The following CCDC80 variants were observed in gnomAD, a reference collection of about 807,000 sequenced individuals.
CCDC80 encodes the protein coiled-coil domain-containing protein 80.
In CCDC80, 49 loss-of-function variants were observed where a neutral mutation model predicts 78.7. That is an observed-to-expected ratio of 0.62 (90% confidence interval 0.50 to 0.79). The LOEUF is 0.79. Among genes scored for constraint, CCDC80 ranks in the 30% least tolerant of loss-of-function variants. The probability of loss-of-function intolerance (pLI) is 0.00; values close to 1 mark genes in which losing one functional copy is unlikely to be tolerated. For missense variants in CCDC80, 1,205 were observed against 1,198.6 expected, an observed-to-expected ratio of 1.01 and a Z score of -0.08; for synonymous variants, 488 against 447.0, an observed-to-expected ratio of 1.09 and a Z score of -1.16.
At chr3:112,626,981 C>T (rs146849200) in intron 3 of CCDC80, among the ~76,000 whole-genome samples, 48 of 152,298 alleles carry the variant, frequency 3.2e-4, no homozygotes, top group African/African-American at 1.1e-3. Context: ...ACTCTCCTTT[C>T]TTTGAAAGAA....
In CCDC80 at chr3:112,641,139, A is replaced by G. The variant is rs6438086; in HGVS notation, c.-824T>C. The G allele has an allele frequency of 0.67, 102,376 of 152,070 alleles. 34,648 individuals are homozygous for G. The highest frequency in any genetic ancestry group is 0.86 in the East Asian group (4,441 of 5,180). 9.4% of individuals were successfully genotyped at this position (152,070 alleles called of 1,614,324 possible). ...AGAGTGGACTCAGTGAGGAGTGAGA[A>G]GGCTGTTCTTTGGGGTGGGGTAAAG... is the stretch of plus-strand genomic sequence containing the variant. On this transcript the variant is annotated 5_prime_UTR_variant, in exon 1 of 8. Transcript: ENST00000206423.
intron 2 of CCDC80, among the ~76,000 whole-genome samples, chr3:112,636,637 G>C (rs887046731): frequency 6.6e-6 from 1 of 152,190 alleles, no homozygotes; most frequent in African/African-American, 2.4e-5. Flanking sequence ...CCTCTGCCCA[G>C]ATTATTAACC....
chr3:112,624,341 T>C (rs1935924730), intron 3 of CCDC80, among the ~76,000 whole-genome samples: 1 of 152,226 alleles, frequency 6.6e-6, no homozygotes, highest in Admixed American at 6.5e-5. Context: ...GCCAAAACTC[T>C]CTTGGTTGTG....
intron 5 of CCDC80, 116 bp from the exon 6 acceptor site, chr3:112,610,197 A>G (rs2107472509): frequency 5.0e-6 from 4 of 797,140 alleles, no homozygotes; most frequent in Non-Finnish European, 6.3e-6. Context: ...AAAAAAAAAA[A>G]GAAAAAAACA....
Position 112,616,698 on chromosome 3 carries a change from A to G in CCDC80, c.2321+12T>C. 3 of 1,613,846 alleles carry G rather than the reference A, an allele frequency of 1.9e-6. No homozygotes were observed. Among genetic ancestry groups the G allele is most frequent in the Non-Finnish European group, 2.5e-6 (3 of 1,179,882 alleles). On this transcript the variant is annotated intron_variant, in intron 5 of 7. Transcript: ENST00000206423. Reference sequence around the variant, plus strand: ...TGCACCTTCCTCTTTAGCGACTCCAAAGGTGATGTACCTGGATAGGAAGTT... The same window carrying G: ...TGCACCTTCCTCTTTAGCGACTCCAGAGGTGATGTACCTGGATAGGAAGTT...
At position 112,634,863 on chromosome 3, in the gene CCDC80, G is replaced by A. The variant is rs539577986; in HGVS notation, c.1878+3165C>T. On this transcript the variant is annotated intron_variant, in intron 2 of 7. Coordinates refer to ENST00000206423, the MANE Select transcript of CCDC80 (RefSeq NM_199511.3). ...TCAAACAGATCTGAATTCTAATTCC[G>A]ACTTCACCACATATTAGCTATATAT... 3.9e-5 allele frequency among the ~76,000 whole-genome samples: 6 copies of A among 152,238 alleles called. No homozygotes were observed. In the South Asian group the frequency reaches 6.2e-4, roughly 16 times the overall value.
intron 2 of CCDC80, among the ~76,000 whole-genome samples, chr3:112,636,813 A>G (rs774704509): frequency 1.3e-5 from 2 of 152,214 alleles, no homozygotes; most frequent in Non-Finnish European, 2.9e-5. Flanking sequence ...TCACCCAGGC[A>G]TCTGAGAAAA....
chr3:112,629,613 T>C (rs2107489922), intron 3 of CCDC80, among the ~76,000 whole-genome samples: 1 of 152,302 alleles, frequency 6.6e-6, no homozygotes, highest in South Asian at 2.1e-4. Context: ...TGCAGTTCAG[T>C]CCATATTTTC....
At chr3:112,615,826 G>A (rs1015292649) in intron 5 of CCDC80, among the ~76,000 whole-genome samples, 10 of 152,080 alleles carry the variant, frequency 6.6e-5, no homozygotes, top group African/African-American at 1.7e-4. Flanking sequence ...CCATGGCAAC[G>A]TCAGGAAGTT....
chr3:112,606,734 C>T (rs1013738883), intron 7 of CCDC80, among the ~76,000 whole-genome samples: 6 of 152,086 alleles, frequency 3.9e-5, no homozygotes, highest in African/African-American at 1.4e-4. Context: ...TTCTCTGAGC[C>T]TTTTAGTGTA....
In CCDC80 at chr3:112,630,163, A is replaced by G; in HGVS notation, c.1985T>C (p.Ile662Thr). Residue 662 changes from isoleucine (I) to threonine (T), a missense_variant, in exon 3 of 8, where the codon ATC (isoleucine) becomes ACC (threonine). Ile to Thr is a moderately conservative substitution (Grantham distance 89, BLOSUM62 -1). Coordinates refer to ENST00000206423, the MANE Select transcript of CCDC80 (RefSeq NM_199511.3). ...MATRKISVITIFGPVNNSTMK... is the reference protein window; with the variant it reads ...MATRKISVITTFGPVNNSTMK... ...GGTGCTGTTGTTGACAGGGCCGAAG[A>G]TGGTGATCACAGAGATTTTCCTGGT... is the stretch of plus-strand genomic sequence containing the variant. The G allele has an allele frequency of 6.2e-7, 1 of 1,613,978 alleles. No homozygotes were observed. The highest frequency in any genetic ancestry group is 1.1e-5 in the South Asian group (1 of 91,080).
intron 3 of CCDC80, among the ~76,000 whole-genome samples, chr3:112,627,408 A>T (rs145918705): frequency 1.6e-4 from 25 of 152,354 alleles, no homozygotes; most frequent in Non-Finnish European, 2.8e-4. Context: ...ATCTTAAGGT[A>T]AGTTTCTTGG....
At position 112,603,652 on chromosome 3, in the gene CCDC80, G is replaced by A. The variant is rs1935415031; in HGVS notation, c.*1765C>T. 1 of 150,016 alleles carries A rather than the reference G, an allele frequency of 6.7e-6. No individual in the cohort carries two copies. The highest frequency in any genetic ancestry group is 2.5e-5 in the African/African-American group (1 of 40,670). The allele number at this position is 150,016 out of a possible 1,614,324, so 9.3% of individuals were successfully genotyped here. A position where few individuals can be genotyped will look rare whatever the true frequency, so the allele number is the denominator to read the frequency against. On this transcript the variant is annotated 3_prime_UTR_variant, in exon 8 of 8. Transcript: ENST00000206423. ...ACTGACAATATACCCAGTCACCCAA[G>A]AACTTGGATAGAGATATACAAGGAG...
chr3:112,603,036 T>C lies in CCDC80; in HGVS notation c.*2381A>G, dbSNP rs1935402540. On this transcript the variant is annotated 3_prime_UTR_variant, in exon 8 of 8. Transcript: ENST00000206423. ...AGTTAACGCAGCTGGTGATTTTAAG[T>C]TGAAATCAATGCTCATTTACCATTT... 1 of 152,190 alleles carries C rather than the reference T, an allele frequency of 6.6e-6. No individual in the cohort carries two copies. The highest frequency in any genetic ancestry group is 1.5e-5 in the Non-Finnish European group (1 of 68,050). 9.4% of individuals were successfully genotyped at this position (152,190 alleles called of 1,614,324 possible).
At position 112,638,811 on chromosome 3, in the gene CCDC80, C is replaced by G; in HGVS notation, c.1095G>C (p.Thr365=). The G allele has an allele frequency of 6.2e-7, 1 of 1,613,650 alleles. No individual in the cohort carries two copies. The highest frequency in any genetic ancestry group is 8.5e-7 in the Non-Finnish European group (1 of 1,179,952). The change falls in exon 2 of 8, where the codon ACG becomes ACC. Residue 365 remains threonine, a synonymous_variant. Coordinates refer to ENST00000206423, the MANE Select transcript of CCDC80 (RefSeq NM_199511.3). ...PAPATTVTRS[T]SRAVTVAARP... ...TTGCAGCAACTGTTACCGCCCGGGA[C>G]GTGGACCGAGTCACTGTTGTGGCTG...
intron 3 of CCDC80, 43 bp downstream of exon 3, chr3:112,630,070 G>A: frequency 6.4e-7 from 1 of 1,574,346 alleles, no homozygotes; most frequent in Non-Finnish European, 8.7e-7. Context: ...TCCCACCTTA[G>A]ATATGAGAAA....
chr3:112,636,941 G>C (rs896566274), intron 2 of CCDC80, among the ~76,000 whole-genome samples: 11 of 152,168 alleles, frequency 7.2e-5, no homozygotes, highest in African/African-American at 2.4e-4. Flanking sequence ...TAAGATCCAG[G>C]GGTGGAAATT....
rs185834084 is a variant in CCDC80 at position 112,600,855 on chromosome 3, T to G, written c.*4562A>C. On this transcript the variant is annotated 3_prime_UTR_variant, in exon 8 of 8. Transcript: ENST00000206423. Reference sequence around the variant, plus strand: ...AGTTGACATGATTTGGGTCCTTTACTTAGAAATTGTCATCACACAATTTCA... The same window carrying G: ...AGTTGACATGATTTGGGTCCTTTACGTAGAAATTGTCATCACACAATTTCA... 2.7e-4 allele frequency: 41 copies of G among 152,270 alleles called. No homozygotes were observed. Among genetic ancestry groups the G allele is most frequent in the Admixed American group, 2.2e-3 (33 of 15,300 alleles). 9.4% of individuals were successfully genotyped at this position (152,270 alleles called of 1,614,324 possible).
At chr3:112,608,347 CA>C (rs1259357269) in intron 6 of CCDC80, among the ~76,000 whole-genome samples, 2 of 152,056 alleles carry the variant, frequency 1.3e-5, no homozygotes, top group Non-Finnish European at 2.9e-5. Flanking sequence ...AAATGCTATT[CA>C]AAAAAATTTT....
Sources: gnomAD v4.1 joint callset for allele counts (sites outside exome capture counted in the v4.1 genomes callset) on GRCh38, gnomAD v4.1.1 for gene constraint, MANE v1.5 for transcripts, NCBI Gene and HGNC (gene_info 2026-07-23, HGNC 2026-07-21) for gene names.